The following CAMTA1 variants were observed in gnomAD, a reference collection of about 807,000 sequenced individuals.
The protein encoded by CAMTA1 is calmodulin-binding transcription activator 1.
Under a neutral mutation model 170.9 loss-of-function variants are expected in CAMTA1, and 27 were observed. The ratio of observed to expected loss-of-function variants is 0.16; its 90% CI spans 0.12 to 0.22. CAMTA1 has a LOEUF of 0.22. Ranked by LOEUF, CAMTA1 falls within the 10% of genes least tolerant of loss-of-function variation. The probability of loss-of-function intolerance (pLI) is 1.00; values close to 1 mark genes in which losing one functional copy is unlikely to be tolerated. For missense variants in CAMTA1, 1,619 were observed against 2,217.2 expected, an observed-to-expected ratio of 0.73 and a Z score of 5.42; for synonymous variants, 833 against 891.5, an observed-to-expected ratio of 0.93 and a Z score of 1.17.
At chr1:7,152,523 T>C (rs1646634301) in intron 4 of CAMTA1, among the ~76,000 whole-genome samples, 3 of 152,162 alleles carry the variant, frequency 2.0e-5, no homozygotes, top group Admixed American at 2.0e-4. Flanking sequence ...CCTCCTCCTG[T>C]GTTGAGGCCA....
rs181843531 is a variant in CAMTA1 at position 6,798,792 on chromosome 1, T to G, written c.45+13217T>G. Among the ~76,000 whole-genome samples, 1,218 of 148,254 alleles carry G rather than the reference T, an allele frequency of 8.2e-3. 7 individuals are homozygous for G. Among genetic ancestry groups the G allele is most frequent in the South Asian group, 0.014 (65 of 4,602 alleles). ...TTTGTATTTTTAGTAGAGACGGGGT[T>G]TCACCTTGTTAGCCAGGATGGTCTC... is the stretch of plus-strand genomic sequence containing the variant. On this transcript the variant is annotated intron_variant, in intron 1 of 22. Transcript: ENST00000303635.
chr1:7,611,117 G>A (rs2095520827), intron 6 of CAMTA1, among the ~76,000 whole-genome samples: 1 of 152,184 alleles, frequency 6.6e-6, no homozygotes, highest in Non-Finnish European at 1.5e-5. Context: ...ACTGTGGAGA[G>A]GAAGGCGCGG....
chr1:7,176,809 G>A (rs1258195852), intron 4 of CAMTA1, among the ~76,000 whole-genome samples: 1 of 152,162 alleles, frequency 6.6e-6, no homozygotes, highest in African/African-American at 2.4e-5. Flanking sequence ...TCTTGGGCAG[G>A]CCCTGTGACC....
chr1:6,902,079 A>AAAAAAAT (rs796874602), intron 3 of CAMTA1, among the ~76,000 whole-genome samples: 11 of 75,196 alleles, frequency 1.5e-4, no homozygotes, highest in South Asian at 1.0e-3. Flanking sequence ...ACACAAAAAA[A>AAAAAAAT]AAAATAAAAA....
chr1:7,382,024 A>G (rs1011795358), intron 5 of CAMTA1, among the ~76,000 whole-genome samples: 1 of 152,236 alleles, frequency 6.6e-6, no homozygotes, highest in Non-Finnish European at 1.5e-5. Flanking sequence ...CTCAATAGAT[A>G]GCCTTCACCT....
chr1:7,218,016 A>G (rs537855281), intron 4 of CAMTA1, among the ~76,000 whole-genome samples: 1 of 152,196 alleles, frequency 6.6e-6, no homozygotes, highest in Non-Finnish European at 1.5e-5. Flanking sequence ...CTGTGGGTAC[A>G]TCACTCAATT....
chr1:7,303,802 T>C (rs927952037), intron 5 of CAMTA1, among the ~76,000 whole-genome samples: 1 of 152,184 alleles, frequency 6.6e-6, no homozygotes, highest in Non-Finnish European at 1.5e-5. Flanking sequence ...CAGGCCTTAC[T>C]GAGGTGACTG....
intron 6 of CAMTA1, among the ~76,000 whole-genome samples, chr1:7,553,405 G>C (rs1015075921): frequency 2.6e-5 from 4 of 152,240 alleles, no homozygotes; most frequent in Middle Eastern, 6.3e-3. Flanking sequence ...CATTCCCAGA[G>C]CCATCAGCTG....
At chr1:6,795,986 A>G (rs1024463010) in intron 1 of CAMTA1, among the ~76,000 whole-genome samples, 1 of 152,210 alleles carries the variant, frequency 6.6e-6, no homozygotes, top group Non-Finnish European at 1.5e-5. Flanking sequence ...GTTTCTGGCT[A>G]AACAGATTGA....
chr1:6,862,382 C>T (rs1043201583), intron 3 of CAMTA1, among the ~76,000 whole-genome samples: 2 of 152,172 alleles, frequency 1.3e-5, no homozygotes, highest in African/African-American at 2.4e-5. Context: ...AGGCTGAATT[C>T]GTTATGTGCA....
intron 1 of CAMTA1, among the ~76,000 whole-genome samples, chr1:6,802,830 G>C (rs962327941): frequency 1.3e-5 from 2 of 152,104 alleles, no homozygotes. Flanking sequence ...GACAGCCTGG[G>C]CTCAAGTGAT....
chr1:7,731,556 CA>C (rs1257457270), intron 11 of CAMTA1, among the ~76,000 whole-genome samples: 1 of 147,258 alleles, frequency 6.8e-6, no homozygotes, highest in Non-Finnish European at 1.5e-5. Context: ...TGGGCGACAC[CA>C]TGACACTCTG....
chr1:6,952,342 A>G (rs1362211188), intron 3 of CAMTA1, among the ~76,000 whole-genome samples: 1 of 149,006 alleles, frequency 6.7e-6, no homozygotes, highest in African/African-American at 2.5e-5. Context: ...GAGGCAGGAG[A>G]AAGGCGTGAA....
chr1:6,820,210 T>G lies in CAMTA1; in HGVS notation c.75T>G (p.Thr25=). The G allele has an allele frequency of 6.2e-7, 1 of 1,611,970 alleles. No homozygotes were observed. The highest frequency in any genetic ancestry group is 8.5e-7 in the Non-Finnish European group (1 of 1,178,044). ...TTTCCCAAAGTGTATTCTGCGGAACTAGCACCTACTGTGTTCTCAACACCG... is the reference window on the plus strand; with the variant it reads ...TTTCCCAAAGTGTATTCTGCGGAACGAGCACCTACTGTGTTCTCAACACCG... ...KSVSQSVFCG[T]STYCVLNTVP... The change falls in exon 2 of 23, where the codon ACT becomes ACG. Residue 25 remains threonine (T), a synonymous_variant. Coordinates refer to ENST00000303635, the MANE Select transcript of CAMTA1 (RefSeq NM_015215.4).
intron 11 of CAMTA1, among the ~76,000 whole-genome samples, chr1:7,698,083 C>CT (rs1291005439): frequency 7.0e-6 from 1 of 142,362 alleles, no homozygotes; most frequent in Non-Finnish European, 1.6e-5. Context: ...GACCCCCCCC[C>CT]CCCCCACCAA....
intron 6 of CAMTA1, among the ~76,000 whole-genome samples, chr1:7,590,238 A>G (rs2150475474): frequency 6.6e-6 from 1 of 152,306 alleles, no homozygotes; most frequent in South Asian, 2.1e-4. Context: ...CCGAGTCATC[A>G]AGGCCCTGCT....
At chr1:7,400,514 G>T (rs537783370) in intron 5 of CAMTA1, among the ~76,000 whole-genome samples, 38 of 151,380 alleles carry the variant, frequency 2.5e-4, no homozygotes, top group Non-Finnish European at 3.2e-4. Context: ...GAGAGGTATT[G>T]TTTCTCTGAT....
At chr1:7,607,157 T>TGGATGGG (rs1363105402) in intron 6 of CAMTA1, among the ~76,000 whole-genome samples, 1 of 115,494 alleles carries the variant, frequency 8.7e-6, no homozygotes, top group African/African-American at 3.9e-5. Context: ...GGATGGATGG[T>TGGATGGG]TAGATGGGTG....
chr1:7,160,040 A>G (rs1647114013), intron 4 of CAMTA1, among the ~76,000 whole-genome samples: 1 of 152,124 alleles, frequency 6.6e-6, no homozygotes, highest in Non-Finnish European at 1.5e-5. Flanking sequence ...ACTTGAGGCC[A>G]GGAGTTTGAG....
Sources: gnomAD v4.1 joint callset for allele counts (sites outside exome capture counted in the v4.1 genomes callset) on GRCh38, gnomAD v4.1.1 for gene constraint, MANE v1.5 for transcripts, NCBI Gene and HGNC (gene_info 2026-07-23, HGNC 2026-07-21) for gene names.